CTNNA3: variants seen among roughly 807,000 people sequenced by gnomAD.
CTNNA3 encodes catenin alpha-3.
In CTNNA3, 76 loss-of-function variants were observed where a neutral mutation model predicts 95.7. That is an observed-to-expected ratio of 0.79 (90% CI 0.66 to 0.96). CTNNA3 has a LOEUF of 0.96. CTNNA3 is among the 40% of genes least tolerant of loss of function. The probability of loss-of-function intolerance (pLI) is 0.00; values close to 1 mark genes in which losing one functional copy is unlikely to be tolerated. For synonymous variants in CTNNA3, 431 were observed against 374.4 expected (o/e 1.15, Z -1.74); for missense variants, 1,191 against 1,089.8 (o/e 1.09, Z -1.31).
At position 67,291,126 on chromosome 10, in the gene CTNNA3, T is replaced by A. The variant is rs1483983594; in HGVS notation, c.580-71256A>T. ...AAATTGATCCCTCCAAGTCTCAGTC[T>A]CCCCTTCTATAAATGGAGATATTGA... On this transcript the variant is annotated intron_variant, in intron 5 of 17. Coordinates refer to ENST00000433211, the MANE Select transcript of CTNNA3 (RefSeq NM_013266.4). 7.2e-5 allele frequency among the ~76,000 whole-genome samples: 11 copies of A among 152,090 alleles called. 1 individual carries two copies. Among genetic ancestry groups the A allele is most frequent in the Admixed American group, 7.2e-4 (11 of 15,258 alleles).
intron 5 of CTNNA3, among the ~76,000 whole-genome samples, chr10:67,302,308 T>C (rs1840360302): frequency 6.6e-6 from 1 of 152,052 alleles, no homozygotes; most frequent in Non-Finnish European, 1.5e-5. Flanking sequence ...GGTTAAACAA[T>C]TCAAAATTTC....
chr10:66,295,985 C>T lies in CTNNA3; in HGVS notation c.1733-15364G>A, dbSNP rs143109746. ...ATGATTTCCTTAGTCTTTCTTAATG[C>T]AGGGGATGCATACCTAACTTTTGTA... On this transcript the variant is annotated intron_variant, in intron 12 of 17. Coordinates refer to ENST00000433211, the MANE Select transcript of CTNNA3 (RefSeq NM_013266.4). 9.1e-4 allele frequency among the ~76,000 whole-genome samples: 138 copies of T among 152,246 alleles called. 1 individual carries two copies. The highest frequency in any genetic ancestry group is 3.2e-3 in the African/African-American group (132 of 41,556).
chr10:66,381,445 T>C (rs540897266), intron 11 of CTNNA3, among the ~76,000 whole-genome samples: 60 of 152,348 alleles, frequency 3.9e-4, no homozygotes, highest in Non-Finnish European at 7.1e-4. Flanking sequence ...AATATCTCTC[T>C]AGTAGAATTT....
At chr10:67,744,182 CCCGCAT>C (rs1841360122) in intron 1 of CTNNA3, among the ~76,000 whole-genome samples, 2 of 151,286 alleles carry the variant, frequency 1.3e-5, no homozygotes, top group Non-Finnish European at 3.0e-5. Flanking sequence ...CAAAAAAGAG[CCCGCAT>C]CAGCAAGTCA....
chr10:66,016,483 T>A (rs1459589041), intron 15 of CTNNA3, among the ~76,000 whole-genome samples: 2 of 152,220 alleles, frequency 1.3e-5, no homozygotes, highest in African/African-American at 2.4e-5. Flanking sequence ...AGTCTCTATC[T>A]GCTCCATTAA....
intron 11 of CTNNA3, among the ~76,000 whole-genome samples, chr10:66,494,285 C>G (rs1840030731): frequency 6.6e-6 from 1 of 152,174 alleles, no homozygotes; most frequent in Admixed American, 6.5e-5. Flanking sequence ...AGAAATCCAG[C>G]ATTTTAAAAA....
chr10:66,565,805 A>T (rs1387616015), intron 10 of CTNNA3, among the ~76,000 whole-genome samples: 1 of 152,126 alleles, frequency 6.6e-6, no homozygotes, highest in African/African-American at 2.4e-5. Context: ...GTGAATAAAC[A>T]TTTTCATTAT....
intron 5 of CTNNA3, among the ~76,000 whole-genome samples, chr10:67,272,718 G>A (rs1839034428): frequency 6.6e-6 from 1 of 152,096 alleles, no homozygotes; most frequent in African/African-American, 2.4e-5. Flanking sequence ...AATTTGCAAT[G>A]CACTAAAGCA....
chr10:66,886,032 T>G (rs1244350416), intron 7 of CTNNA3, among the ~76,000 whole-genome samples: 1 of 152,090 alleles, frequency 6.6e-6, no homozygotes, highest in East Asian at 1.9e-4. Flanking sequence ...TGTTGCAATA[T>G]TTTCCTTACT....
chr10:67,298,541 G>A (rs987901049), intron 5 of CTNNA3, among the ~76,000 whole-genome samples: 4 of 152,110 alleles, frequency 2.6e-5, no homozygotes, highest in Non-Finnish European at 4.4e-5. Flanking sequence ...CTGTTAGGCC[G>A]AATTAGCATA....
chr10:66,859,700 T>C (rs555368280), intron 7 of CTNNA3, among the ~76,000 whole-genome samples: 1 of 139,442 alleles, frequency 7.2e-6, no homozygotes, highest in East Asian at 2.0e-4. Flanking sequence ...CATGCTGCTA[T>C]AAAGACACAT....
chr10:66,320,619 G>C (rs2092168898), intron 12 of CTNNA3, among the ~76,000 whole-genome samples: 2 of 152,032 alleles, frequency 1.3e-5, no homozygotes, highest in Non-Finnish European at 2.9e-5. Flanking sequence ...GCAGGTCTTG[G>C]TTCTCTCATT....
chr10:67,166,681 C>T (rs965788587), intron 7 of CTNNA3, among the ~76,000 whole-genome samples: 2 of 152,192 alleles, frequency 1.3e-5, no homozygotes, highest in South Asian at 2.1e-4. Context: ...AGGCTATTCC[C>T]TACATTTGTT....
At chr10:66,403,699 G>A (rs898885020) in intron 11 of CTNNA3, among the ~76,000 whole-genome samples, 1 of 151,994 alleles carries the variant, frequency 6.6e-6, no homozygotes, top group Non-Finnish European at 1.5e-5. Flanking sequence ...GTCCTAAAAC[G>A]GTATTTGCAA....
intron 5 of CTNNA3, among the ~76,000 whole-genome samples, chr10:67,246,278 C>T (rs1179855553): frequency 6.6e-6 from 1 of 152,136 alleles, no homozygotes; most frequent in South Asian, 2.1e-4. Flanking sequence ...TTCAATCCAC[C>T]CTGGTGCATA....
chr10:65,954,511 C>T (rs367621358), intron 17 of CTNNA3, among the ~76,000 whole-genome samples: 68 of 152,072 alleles, frequency 4.5e-4, no homozygotes, highest in East Asian at 2.1e-3. Context: ...AGAGTTTTTA[C>T]GGTTTTAGGT....
At chr10:67,313,737 GA>G (rs1446944849) in intron 5 of CTNNA3, among the ~76,000 whole-genome samples, 1 of 152,108 alleles carries the variant, frequency 6.6e-6, no homozygotes, top group Non-Finnish European at 1.5e-5. Flanking sequence ...ATGTAGAAAA[GA>G]AAAGGACAAG....
intron 1 of CTNNA3, among the ~76,000 whole-genome samples, chr10:67,656,016 C>A (rs1334360389): frequency 6.6e-6 from 1 of 152,014 alleles, no homozygotes; most frequent in Non-Finnish European, 1.5e-5. Context: ...TGATTTTATA[C>A]AATTGAGTCT....
chr10:66,141,517 A>G (rs1407501421), intron 13 of CTNNA3, among the ~76,000 whole-genome samples: 1 of 152,164 alleles, frequency 6.6e-6, no homozygotes, highest in African/African-American at 2.4e-5. Context: ...TAATTTGCCA[A>G]GATCAGAGAC....
Sources: allele counts gnomAD v4.1 joint callset (sites outside exome capture counted in the v4.1 genomes callset), GRCh38; gene constraint gnomAD v4.1.1; transcripts MANE v1.5; gene names NCBI Gene and HGNC (gene_info 2026-07-23, HGNC 2026-07-21).